SARS1: variants seen among roughly 807,000 people sequenced by gnomAD.
The protein encoded by SARS1 is seryl-tRNA synthetase 1.
A neutral mutation model predicts 63.7 loss-of-function variants in SARS1; 25 were observed. The observed-to-expected ratio is 0.39, with a 90% CI of 0.29 to 0.55. The LOEUF is 0.55. Ranked by LOEUF, SARS1 falls within the 20% of genes least tolerant of loss-of-function variation. The probability of loss-of-function intolerance (pLI) is 0.62; values close to 1 mark genes in which losing one functional copy is unlikely to be tolerated. For synonymous variants in SARS1, 231 were observed against 243.5 expected, an observed-to-expected ratio of 0.95 and a Z score of 0.48; for missense variants, 417 against 649.7, an observed-to-expected ratio of 0.64 and a Z score of 3.89.
At chr1:109,221,960 T>TTTTGTGTGTGTGTGTGTG (rs771565091) in intron 1 of SARS1, among the ~76,000 whole-genome samples, 3 of 10,056 alleles carry the variant, frequency 3.0e-4, no homozygotes, top group Admixed American at 1.7e-3. Context: ...GCTAATTTTT[T>TTTTGTGTGTGTGTGTGTG]TGTGTGTGTG....
At chr1:109,231,571 C>G (rs924572852) in intron 5 of SARS1, 60 bp from the exon 6 acceptor site, 1 of 1,339,568 alleles carries the variant, frequency 7.5e-7, no homozygotes, top group East Asian at 2.8e-5. Flanking sequence ...GGTGTCAGTT[C>G]TAGCTGAACA....
At position 109,235,239 on chromosome 1, in the gene SARS1, T is replaced by C; in HGVS notation, c.777T>C (p.Asp259=). The part of the protein sequence containing the change: ...KVIGKGSEKS[D]DNSYDEKYLI... Reference sequence around the variant, plus strand: ...TTGGCAAAGGCAGTGAAAAGTCTGATGACAACTCCTATGATGAGAAGTACC... The same window carrying C: ...TTGGCAAAGGCAGTGAAAAGTCTGACGACAACTCCTATGATGAGAAGTACC... The change falls in exon 7 of 11, where the codon GAT becomes GAC. Residue 259 remains aspartate (D), a synonymous_variant. Coordinates refer to ENST00000234677, the MANE Select transcript of SARS1 (RefSeq NM_006513.4). This position sits in a 1 kb window ranked among gnomAD's most constrained non-coding sequence, Gnocchi z 4.7. 1 of 1,614,194 alleles carries C rather than the reference T, an allele frequency of 6.2e-7. No individual in the cohort carries two copies. Among genetic ancestry groups the C allele is most frequent in the South Asian group, 1.1e-5 (1 of 91,086 alleles).
chr1:109,221,993 TATATATATATATATA>T (rs1557715344), intron 1 of SARS1, among the ~76,000 whole-genome samples: 2 of 14,850 alleles, frequency 1.3e-4, no homozygotes, highest in African/African-American at 2.5e-4. Context: ...TATATATATA[TATATATATATATATA>T]TATTTTTTTT....
chr1:109,222,310 A>G (rs1029290260), intron 1 of SARS1, among the ~76,000 whole-genome samples: 1 of 152,102 alleles, frequency 6.6e-6, no homozygotes, highest in African/African-American at 2.4e-5. Flanking sequence ...ACTCTAGTAC[A>G]ATATTAAAAC....
At position 109,213,929 on chromosome 1, in the gene SARS1, G is replaced by T; in HGVS notation, c.-64G>T. 1 of 1,525,408 alleles carries T rather than the reference G, an allele frequency of 6.6e-7. No homozygotes were observed. Among genetic ancestry groups the T allele is most frequent in the Non-Finnish European group, 8.8e-7 (1 of 1,133,076 alleles). 94.5% of individuals were successfully genotyped at this position (1,525,408 alleles called of 1,614,324 possible). A position where few individuals can be genotyped will look rare whatever the true frequency, so the allele number is the denominator to read the frequency against. ...GTCAGCGCGCCGGCGCAGTGCGGCG[G>T]TCACAGGCTGAGTGCTGCGGCGCGA... On this transcript the variant is annotated 5_prime_UTR_variant, in exon 1 of 11. Transcript: ENST00000234677.
intron 1 of SARS1, chr1:109,215,959 C>A (rs1185893244): frequency 2.7e-5 from 23 of 845,912 alleles, no homozygotes; most frequent in Non-Finnish European, 3.3e-5. Flanking sequence ...CTGCCTCAGC[C>A]TCCCAAAGTG....
chr1:109,214,817 T>C lies in SARS1; in HGVS notation c.136+689T>C. ...AATTGTGATTTGTGGACGTTTTCCT[T>C]TAAAGACATTGGCAGAGTTGGGCTA... On this transcript the variant is annotated intron_variant, in intron 1 of 10. Coordinates refer to ENST00000234677, the MANE Select transcript of SARS1 (RefSeq NM_006513.4). The surrounding 1 kb of genome is among the most constrained non-coding windows in gnomAD (Gnocchi z 4.6). 1.0e-6 allele frequency: 1 copy of C among 985,476 alleles called. No homozygotes were observed. The highest frequency in any genetic ancestry group is 1.2e-6 in the Non-Finnish European group (1 of 829,952). 61.0% of individuals were successfully genotyped at this position (985,476 alleles called of 1,614,324 possible). A position where few individuals can be genotyped will look rare whatever the true frequency, so the allele number is the denominator to read the frequency against.
intron 6 of SARS1, among the ~76,000 whole-genome samples, chr1:109,232,053 A>G (rs1286585095): frequency 6.6e-6 from 1 of 152,200 alleles, no homozygotes; most frequent in African/African-American, 2.4e-5. Context: ...GGTAATCTGT[A>G]TGATGTATCT....
chr1:109,215,857 A>G (rs1314200314), intron 1 of SARS1: 1 of 313,020 alleles, frequency 3.2e-6, no homozygotes, highest in Non-Finnish European at 4.6e-6. Context: ...GGTGTGCACC[A>G]CCACACCCAG....
chr1:109,229,848 C>G (rs565739626), intron 4 of SARS1, among the ~76,000 whole-genome samples: 1 of 152,172 alleles, frequency 6.6e-6, no homozygotes, highest in Non-Finnish European at 1.5e-5. Context: ...GCAGGCATCT[C>G]GTGGGAGGGA....
At chr1:109,226,683 T>TATACAC (rs1655089515) in intron 2 of SARS1, among the ~76,000 whole-genome samples, 1 of 41,650 alleles carries the variant, frequency 2.4e-5, no homozygotes, top group African/African-American at 7.1e-5. Context: ...AAAAAATATA[T>TATACAC]ATATATATAT....
intron 1 of SARS1, among the ~76,000 whole-genome samples, chr1:109,222,065 C>T (rs1399702138): frequency 2.7e-5 from 3 of 109,492 alleles, no homozygotes; most frequent in Admixed American, 1.3e-4. Context: ...GGTTTTGCCA[C>T]GTTGCCCAGG....
chr1:109,236,841 T>C (rs1655321849), intron 9 of SARS1: 2 of 1,603,210 alleles, frequency 1.2e-6, no homozygotes, highest in Non-Finnish European at 1.7e-6. Context: ...ACAGAACAAG[T>C]TGGAGGCTTC....
chr1:109,228,044 A>G (rs1655129255), intron 2 of SARS1, among the ~76,000 whole-genome samples: 2 of 152,028 alleles, frequency 1.3e-5, no homozygotes, highest in African/African-American at 2.4e-5. Flanking sequence ...TCTGATTCCT[A>G]TGATGATCTA....
At chr1:109,231,406 A>G (rs560652328) in intron 5 of SARS1, 7 of 369,754 alleles carry the variant, frequency 1.9e-5, no homozygotes, top group Non-Finnish European at 2.9e-5. Flanking sequence ...GAACATCAGG[A>G]TAATTCTCTT....
Position 109,237,325 on chromosome 1 carries a change from G to C in SARS1, c.1339G>C (p.Glu447Gln). 6.2e-7 allele frequency: 1 copy of C among 1,614,238 alleles called. No individual in the cohort carries two copies. The highest frequency in any genetic ancestry group is 8.5e-7 in the Non-Finnish European group (1 of 1,180,042). Reference protein sequence around the residue: ...ICAILENYQTEKGITVPEKLK... With the variant: ...ICAILENYQTQKGITVPEKLK... ...CGCCATCCTGGAGAACTACCAGACA[G>C]AGAAGGGCATCACTGTGCCTGAGAA... The change falls in exon 10 of 11, where the codon GAG (glutamate) becomes CAG (glutamine). Residue 447 changes from glutamate (E) to glutamine (Q), a missense_variant. By Grantham distance (29) the Glu-to-Gln change is conservative. Around this residue, in one of 3 missense-constraint regions of SARS1, gnomAD observed 15 missense variants for 52.0 expected, o/e 0.29. Coordinates refer to ENST00000234677, the MANE Select transcript of SARS1 (RefSeq NM_006513.4). This position sits in a 1 kb window ranked among gnomAD's most constrained non-coding sequence, Gnocchi z 4.1.
chr1:109,237,081 C>T lies in SARS1; in HGVS notation c.1258-163C>T, dbSNP rs1655326780. 1.6e-6 allele frequency: 2 copies of T among 1,236,694 alleles called. No homozygotes were observed. The highest frequency in any genetic ancestry group is 1.6e-5 in the South Asian group (1 of 62,342). 76.6% of individuals were successfully genotyped at this position (1,236,694 alleles called of 1,614,324 possible). On this transcript the variant is annotated intron_variant, in intron 9 of 10. Coordinates refer to ENST00000234677, the MANE Select transcript of SARS1 (RefSeq NM_006513.4). This position sits in a 1 kb window ranked among gnomAD's most constrained non-coding sequence, Gnocchi z 4.1. ...CAGTTATCTAATAGGCAATAAATAC[C>T]AAATAATTCAAATTTAGAAAAAAGT...
At chr1:109,224,141 G>A in intron 2 of SARS1, 93 bp downstream of exon 2, 2 of 931,264 alleles carry the variant, frequency 2.1e-6, no homozygotes, top group South Asian at 1.3e-5. Flanking sequence ...CTAACTCAGT[G>A]TTTAAGTCTA....
chr1:109,237,021 A>G lies in SARS1; in HGVS notation c.1258-223A>G, dbSNP rs1460316043. ...AACTCTCAGAATACCAGAAGCTACC[A>G]CTTGTCACTCATCGAAACATGAGGG... On this transcript the variant is annotated intron_variant, in intron 9 of 10. Transcript: ENST00000234677. This position sits in a 1 kb window ranked among gnomAD's most constrained non-coding sequence, Gnocchi z 4.1. 4 of 1,272,374 alleles carry G rather than the reference A, an allele frequency of 3.1e-6. No homozygotes were observed. The highest frequency in any genetic ancestry group is 4.3e-6 in the Non-Finnish European group (4 of 940,192). The allele number at this position is 1,272,374 out of a possible 1,614,324, so 78.8% of individuals were successfully genotyped here. A position where few individuals can be genotyped will look rare whatever the true frequency, so the allele number is the denominator to read the frequency against.
Sources: allele counts gnomAD v4.1 joint callset (sites outside exome capture counted in the v4.1 genomes callset), GRCh38; gene constraint gnomAD v4.1.1; regional missense constraint gnomAD v4.1.1; non-coding constraint Gnocchi (gnomAD v3.1); transcripts MANE v1.5; gene names NCBI Gene and HGNC (gene_info 2026-07-23, HGNC 2026-07-21).